UAP1: variants seen among roughly 807,000 people sequenced by gnomAD.
UAP1 encodes UDP-N-acetylhexosamine pyrophosphorylase.
UAP1 carries 25 observed loss-of-function variants against 58.5 expected under a neutral mutation model. The ratio of observed to expected loss-of-function variants is 0.43; its 90% CI spans 0.31 to 0.60. UAP1 has a LOEUF of 0.60. UAP1 is among the 20% of genes least tolerant of loss of function. UAP1 has a pLI of 0.11. For missense variants in UAP1, 575 were observed against 630.0 expected (o/e 0.91, Z 0.93); for synonymous variants, 208 against 213.0 (o/e 0.98, Z 0.21).
At chr1:162,598,936 A>G (rs1655773032) in intron 10 of UAP1, among the ~76,000 whole-genome samples, 1 of 152,096 alleles carries the variant, frequency 6.6e-6, no homozygotes, top group South Asian at 2.1e-4. Flanking sequence ...GAATTGCTTG[A>G]AACTGGGAGG....
chr1:162,562,020 T>C (rs1402328124), intron 1 of UAP1, among the ~76,000 whole-genome samples: 1 of 152,174 alleles, frequency 6.6e-6, no homozygotes, highest in East Asian at 1.9e-4. Context: ...GTGTGTGGGC[T>C]GGGCAGCCGG....
chr1:162,577,435 C>CA (rs779214500), intron 3 of UAP1, among the ~76,000 whole-genome samples: 7 of 95,214 alleles, frequency 7.4e-5, no homozygotes, highest in Non-Finnish European at 2.0e-5. Flanking sequence ...AGTTCCTTCC[C>CA]TTTTTTTTTT....
chr1:162,576,199 C>T (rs1654165936), intron 2 of UAP1, among the ~76,000 whole-genome samples: 1 of 152,144 alleles, frequency 6.6e-6, no homozygotes, highest in East Asian at 1.9e-4. Context: ...TGTAGCTTAC[C>T]TGCTATATTT....
At chr1:162,579,293 G>A in intron 3 of UAP1, 135 bp from the exon 4 acceptor site, 1 of 582,436 alleles carries the variant, frequency 1.7e-6, no homozygotes, top group Non-Finnish European at 2.6e-6. Flanking sequence ...GTCTTACCCA[G>A]GAAAAATATG....
rs545410103 is a variant in UAP1, at chr1:162,565,975, G to A, written c.-57-37G>A. ...AAAAAAGCCCTCAATTTTGGAGGTTGGATTTTGACATGCCATTAATTACTT... is the reference window on the plus strand; with the variant it reads ...AAAAAAGCCCTCAATTTTGGAGGTTAGATTTTGACATGCCATTAATTACTT... On this transcript the variant is annotated intron_variant, in intron 1 of 10. Coordinates refer to ENST00000271469, the Ensembl canonical transcript of UAP1. 5.0e-5 allele frequency: 68 copies of A among 1,363,558 alleles called. No homozygotes were observed. The African/African-American group carries it at 5.8e-4, about 12-fold the overall frequency. The allele number at this position is 1,363,558 out of a possible 1,614,324, so 84.5% of individuals were successfully genotyped here.
intron 4 of UAP1, among the ~76,000 whole-genome samples, chr1:162,580,278 A>C (rs1654503264): frequency 6.6e-6 from 1 of 152,242 alleles, no homozygotes; most frequent in Non-Finnish European, 1.5e-5. Context: ...TTATAGTTTA[A>C]AAATAGCATT....
intron 7 of UAP1, among the ~76,000 whole-genome samples, chr1:162,589,186 T>A (rs1287720759): frequency 4.8e-4 from 34 of 70,558 alleles, no homozygotes; most frequent in African/African-American, 1.6e-3. Flanking sequence ...TTATATATAA[T>A]ATATATTATA....
At chr1:162,564,318 C>T (rs1653358852) in intron 1 of UAP1, among the ~76,000 whole-genome samples, 1 of 152,106 alleles carries the variant, frequency 6.6e-6, no homozygotes, top group Admixed American at 6.5e-5. Flanking sequence ...TCTCATTTTA[C>T]AGATAAGGTA....
At chr1:162,570,163 A>T (rs956022728) in intron 2 of UAP1, among the ~76,000 whole-genome samples, 15 of 152,092 alleles carry the variant, frequency 9.9e-5, no homozygotes, top group African/African-American at 3.4e-4. Flanking sequence ...AAAAAAAAAA[A>T]ATACTTATTT....
intron 9 of UAP1, chr1:162,597,563 C>G: frequency 2.0e-6 from 1 of 496,464 alleles, no homozygotes; most frequent in Non-Finnish European, 3.6e-6. Context: ...CTGTAAAGAG[C>G]TACCAGTAAT....
chr1:162,593,938 A>G (rs1398781647), intron 9 of UAP1, among the ~76,000 whole-genome samples: 1 of 151,870 alleles, frequency 6.6e-6, no homozygotes, highest in African/African-American at 2.4e-5. Flanking sequence ...TGTTTCTGGG[A>G]TGTGATTCTG....
intron 7 of UAP1, among the ~76,000 whole-genome samples, chr1:162,589,134 TTATA>T (rs1333252638): frequency 2.8e-5 from 3 of 108,428 alleles, no homozygotes; most frequent in Non-Finnish European, 3.5e-5. Flanking sequence ...TATATATAAT[TTATA>T]TATTTATATA....
chr1:162,581,592 C>T (rs1025535951), intron 5 of UAP1, 133 bp downstream of exon 5: 20 of 863,106 alleles, frequency 2.3e-5, no homozygotes, highest in Middle Eastern at 3.6e-4. Flanking sequence ...AGTAACTAAA[C>T]GGTCCCACAC....
downstream of UAP1, among the ~76,000 whole-genome samples, chr1:162,601,087 C>T (rs1411571968): frequency 6.6e-6 from 1 of 152,096 alleles, no homozygotes; most frequent in Non-Finnish European, 1.5e-5. Context: ...TAGTTAAGAG[C>T]AAACTCTGAG....
At chr1:162,577,943 CT>C (rs1654311685) in intron 3 of UAP1, among the ~76,000 whole-genome samples, 1 of 151,644 alleles carries the variant, frequency 6.6e-6, no homozygotes, top group Non-Finnish European at 1.5e-5. Context: ...AGACAGGGTT[CT>C]GGTCTCAAAT....
At chr1:162,573,171 G>A (rs1653973376) in intron 2 of UAP1, among the ~76,000 whole-genome samples, 1 of 152,088 alleles carries the variant, frequency 6.6e-6, no homozygotes, top group South Asian at 2.1e-4. Context: ...TACAAACTCA[G>A]AATGGCTGTT....
intron 8 of UAP1, among the ~76,000 whole-genome samples, chr1:162,592,136 G>T (rs1346354157): frequency 3.9e-5 from 6 of 152,202 alleles, no homozygotes; most frequent in Non-Finnish European, 8.8e-5. Flanking sequence ...GGTGGTTTGT[G>T]CCTGTAATCC....
chr1:162,577,165 C>T (rs1474016946), intron 3 of UAP1, among the ~76,000 whole-genome samples, 184 bp downstream of exon 3: 1 of 152,042 alleles, frequency 6.6e-6, no homozygotes, highest in African/African-American at 2.4e-5. Context: ...CCACTATTGA[C>T]TTAATAAGCA....
chr1:162,598,843 G>A (rs1655762598), intron 10 of UAP1, among the ~76,000 whole-genome samples: 1 of 152,076 alleles, frequency 6.6e-6, no homozygotes. Context: ...ATGAAGCCCT[G>A]TTTCTACTAA....
Sources: gnomAD v4.1 joint callset for allele counts (sites outside exome capture counted in the v4.1 genomes callset) on GRCh38, gnomAD v4.1.1 for gene constraint, MANE v1.5 for transcripts, NCBI Gene and HGNC (gene_info 2026-07-23, HGNC 2026-07-21) for gene names.